Variants in MYO3A observed in about 807,000 individuals in gnomAD.
MYO3A encodes myosin IIIA.
In MYO3A, 180 loss-of-function variants were observed where a neutral mutation model predicts 192.7. The ratio of observed to expected loss-of-function variants is 0.93; its 90% CI spans 0.83 to 1.06. MYO3A has a LOEUF of 1.06. Among genes scored for constraint, MYO3A ranks in the 50% least tolerant of loss-of-function variants. The pLI, the probability that MYO3A is intolerant of heterozygous loss-of-function variation, is 0.00. For missense variants in MYO3A, 1,896 were observed against 1,905.0 expected, an observed-to-expected ratio of 1.00 and a Z score of 0.09; for synonymous variants, 628 against 645.3, an observed-to-expected ratio of 0.97 and a Z score of 0.41.
chr10:26,204,527 G>A (rs1843820071), intron 34 of MYO3A: 1 of 152,228 alleles, frequency 6.6e-6, no homozygotes, highest in Non-Finnish European at 1.5e-5. Flanking sequence ...CATTGTGCTA[G>A]GCACTATGCC....
At chr10:26,031,610 A>G (rs1842804737) in intron 10 of MYO3A, among the ~76,000 whole-genome samples, 1 of 152,200 alleles carries the variant, frequency 6.6e-6, no homozygotes. Context: ...GCAGAAGGGT[A>G]TTTTTGAGCT....
chr10:26,057,711 G>A (rs2131321915), intron 10 of MYO3A, among the ~76,000 whole-genome samples: 1 of 152,328 alleles, frequency 6.6e-6, no homozygotes, highest in South Asian at 2.1e-4. Context: ...TGGAGCTGAA[G>A]AGAAGTCAAT....
intron 20 of MYO3A, among the ~76,000 whole-genome samples, chr10:26,134,676 G>A (rs1050130520): frequency 2.0e-5 from 3 of 151,436 alleles, no homozygotes; most frequent in African/African-American, 4.8e-5. Context: ...AGTGGCAAAA[G>A]TTTTTTTTTC....
intron 34 of MYO3A, among the ~76,000 whole-genome samples, chr10:26,211,000 A>C (rs992655507): frequency 1.0e-4 from 15 of 149,654 alleles, no homozygotes; most frequent in Admixed American, 7.3e-4. Flanking sequence ...ACACACACAC[A>C]CCACTCTTTC....
In MYO3A at chr10:26,147,464, A is replaced by G. The variant is rs1343138202; in HGVS notation, c.2540A>G (p.Asn847Ser). 1 of 1,613,840 alleles carries G rather than the reference A, an allele frequency of 6.2e-7. No individual in the cohort carries two copies. Among genetic ancestry groups the G allele is most frequent in the East Asian group, 2.2e-5 (1 of 44,858 alleles). ...LYNASGFLAK[N>S]RDTLPTDIVL... is the part of the protein sequence containing the mutation. Reference sequence around the variant, plus strand: ...AATGCAAGTGGATTCTTAGCCAAAAACAGAGACACTCTTCCTACTGACATT... The same window carrying G: ...AATGCAAGTGGATTCTTAGCCAAAAGCAGAGACACTCTTCCTACTGACATT... Residue 847 changes from asparagine (N) to serine (S), a missense_variant, in exon 23 of 35, where the codon AAC (asparagine) becomes AGC (serine). By Grantham distance (46) the Asn-to-Ser change is conservative. Coordinates refer to ENST00000642920, the MANE Select transcript of MYO3A (RefSeq NM_017433.5).
chr10:26,098,060 A>G (rs1340416246), intron 17 of MYO3A, among the ~76,000 whole-genome samples: 1 of 152,146 alleles, frequency 6.6e-6, no homozygotes, highest in Non-Finnish European at 1.5e-5. Flanking sequence ...CTATTTCTCC[A>G]CATCCTCTCC....
intron 15 of MYO3A, among the ~76,000 whole-genome samples, chr10:26,094,623 A>G (rs1054584011): frequency 6.6e-6 from 1 of 151,918 alleles, no homozygotes; most frequent in African/African-American, 2.4e-5. Flanking sequence ...ACGGGGTTTC[A>G]CCGTGTTAGC....
chr10:26,096,350 A>T, intron 15 of MYO3A, 31 bp from the exon 16 acceptor site: 2 of 1,454,588 alleles, frequency 1.4e-6, no homozygotes, highest in Non-Finnish European at 1.9e-6. Flanking sequence ...GTTCTTACTA[A>T]CTACCTTACT....
intron 25 of MYO3A, 137 bp from the exon 26 acceptor site, chr10:26,157,173 C>T (rs2131933203): frequency 1.3e-6 from 1 of 748,166 alleles, no homozygotes; most frequent in East Asian, 2.7e-5. Flanking sequence ...ACAGATTTTC[C>T]TCCATTTACT....
intron 34 of MYO3A, among the ~76,000 whole-genome samples, chr10:26,209,124 C>A (rs148577450): frequency 4.1e-4 from 62 of 152,330 alleles, no homozygotes; most frequent in African/African-American, 1.4e-3. Flanking sequence ...AGATAACAGA[C>A]ACATGCTGAA....
Position 25,952,227 on chromosome 10 carries a change from GA to G in MYO3A, c.119del (p.Asn40IlefsTer30). 6.2e-7 allele frequency: 1 copy of G among 1,612,728 alleles called. No individual in the cohort carries two copies. The highest frequency in any genetic ancestry group is 1.1e-5 in the South Asian group (1 of 91,036). On this transcript the variant is annotated frameshift_variant, in exon 3 of 35. Transcript: ENST00000642920. LOFTEE classifies it high-confidence loss of function. The stretch of plus-strand genomic sequence containing the variant: ...CTTATGGGAAAGTTTTTAAAGTATT[GA>G]ATAAGAAAAATGGCCAAAAAGCAGC... The part of the protein sequence containing the change: ...GTYGKVFKVL[N>X]KKNGQKAAVK...
At chr10:26,063,300 T>C (rs748033444) in intron 10 of MYO3A, among the ~76,000 whole-genome samples, 10 of 152,216 alleles carry the variant, frequency 6.6e-5, no homozygotes, top group Non-Finnish European at 4.4e-5. Flanking sequence ...GTTTATAATT[T>C]TAGTGAAGCC....
At chr10:25,992,318 G>C (rs1298176748) in intron 4 of MYO3A, among the ~76,000 whole-genome samples, 5 of 150,836 alleles carry the variant, frequency 3.3e-5, no homozygotes, top group Non-Finnish European at 7.4e-5. Context: ...CTCTGTCTGT[G>C]ATTGGTGTAT....
chr10:25,950,211 T>C lies in MYO3A; in HGVS notation c.-17-1883T>C, dbSNP rs147414480. Among the ~76,000 whole-genome samples the C allele has an allele frequency of 5.9e-4, 90 of 152,254 alleles. 1 individual carries two copies. The highest frequency in any genetic ancestry group is 2.2e-3 in the African/African-American group (90 of 41,566). On this transcript the variant is annotated intron_variant, in intron 2 of 34. Transcript: ENST00000642920. ...AAGGCTATTTGAGGACAAACAGCAG[T>C]TACCCCGGCTAGCAATGAACTTACT...
rs190009967 is a variant in MYO3A at position 25,998,074 on chromosome 10, C to T, written c.508+816C>T. 2.3e-3 allele frequency among the ~76,000 whole-genome samples: 351 copies of T among 152,068 alleles called. 1 individual carries two copies. The highest frequency in any genetic ancestry group is 3.9e-3 in the East Asian group (20 of 5,178). The stretch of plus-strand genomic sequence containing the variant: ...TGTATACTTCCTTGTTTGCATTTAT[C>T]GTATAGAATTATAATTATACATTTG... On this transcript the variant is annotated intron_variant, in intron 6 of 34. Transcript: ENST00000642920.
chr10:25,996,685 T>TACTACATTATC, intron 5 of MYO3A, 91 bp downstream of exon 5: 1 of 958,750 alleles, frequency 1.0e-6, no homozygotes. Context: ...TCACTAGTGA[T>TACTACATTATC]ACTACATTAG....
intron 31 of MYO3A, among the ~76,000 whole-genome samples, chr10:26,191,930 T>C (rs547138436): frequency 1.1e-4 from 16 of 152,228 alleles, no homozygotes; most frequent in Non-Finnish European, 2.2e-4. Flanking sequence ...GAATGAGCTA[T>C]TACTGCTTTT....
At chr10:25,957,685 G>A (rs1299146510) in intron 4 of MYO3A, among the ~76,000 whole-genome samples, 1 of 152,074 alleles carries the variant, frequency 6.6e-6, no homozygotes, top group African/African-American at 2.4e-5. Context: ...TTCCACAATG[G>A]CTAAACTAAT....
intron 14 of MYO3A, among the ~76,000 whole-genome samples, chr10:26,078,987 G>A (rs542624018): frequency 8.5e-5 from 13 of 152,154 alleles, no homozygotes; most frequent in East Asian, 7.7e-4. Context: ...TATATTCTGC[G>A]GTTGTTGGAT....
Sources: allele counts gnomAD v4.1 joint callset (sites outside exome capture counted in the v4.1 genomes callset), GRCh38; gene constraint gnomAD v4.1.1; transcripts MANE v1.5; gene names NCBI Gene and HGNC (gene_info 2026-07-23, HGNC 2026-07-21).